Variants in C1orf216 observed in about 807,000 individuals in gnomAD.
C1orf216 encodes the protein chromosome 1 open reading frame 216.
A neutral mutation model predicts 16.4 loss-of-function variants in C1orf216; 18 were observed. The observed-to-expected ratio is 1.10, with a 90% confidence interval of 0.76 to 1.63. The LOEUF (loss-of-function observed/expected upper bound fraction) is 1.63, where lower values mean the gene tolerates loss of function less well. C1orf216 is among the 40% of genes most tolerant of loss of function. The pLI is 0.00. For missense variants in C1orf216, 271 were observed against 297.6 expected, an observed-to-expected ratio of 0.91 and a Z score of 0.66; for synonymous variants, 115 against 116.9, an observed-to-expected ratio of 0.98 and a Z score of 0.11.
chr1:35,716,159 G>C lies in C1orf216; in HGVS notation c.163C>G (p.Pro55Ala), dbSNP rs1315298933. 6.2e-7 allele frequency: 1 copy of C among 1,614,280 alleles called. No homozygotes were observed. Among genetic ancestry groups the C allele is most frequent in the Middle Eastern group, 1.6e-4 (1 of 6,062 alleles). ...NWHGMPGRVEPILRRSSSESP... is the reference protein window; with the variant it reads ...NWHGMPGRVEAILRRSSSESP... ...TCAGAGGAGCTCCTCCTCAGGATAGGTTCCACTCTGCCTGGCATCCCATGC... is the reference window on the plus strand; with the variant it reads ...TCAGAGGAGCTCCTCCTCAGGATAGCTTCCACTCTGCCTGGCATCCCATGC... Residue 55 changes from proline (P) to alanine (A), a missense_variant, in exon 2 of 2, where the codon CCT (proline) becomes GCT (alanine). Around this residue, in one of 3 missense-constraint regions of C1orf216, gnomAD observed 7 missense variants for 23.9 expected, o/e 0.29. Coordinates refer to ENST00000270815, the MANE Select transcript of C1orf216 (RefSeq NM_152374.2).
intron 1 of C1orf216, among the ~76,000 whole-genome samples, chr1:35,717,715 T>G (rs1640975796): frequency 6.6e-6 from 1 of 152,166 alleles, no homozygotes. Context: ...ACTGGCATTT[T>G]TGGTTTGTGG....
rs1160296620 is a variant in C1orf216, at chr1:35,718,756, C to T, written c.-55G>A. 6.6e-6 allele frequency: 1 copy of T among 152,472 alleles called. No homozygotes were observed. Among genetic ancestry groups the T allele is most frequent in the Non-Finnish European group, 1.5e-5 (1 of 68,222 alleles). 9.4% of individuals were successfully genotyped at this position (152,472 alleles called of 1,614,324 possible). On this transcript the variant is annotated 5_prime_UTR_variant, in exon 1 of 2. Transcript: ENST00000270815. ...CGTCTGGCTCTGGCTCCGCCCGGCCCTGGTGGTGTCTAGTCCCTGGGCTGG... is the reference window on the plus strand; with the variant it reads ...CGTCTGGCTCTGGCTCCGCCCGGCCTTGGTGGTGTCTAGTCCCTGGGCTGG...
At chr1:35,716,991 TC>T in intron 1 of C1orf216, 1 of 152,168 alleles carries the variant, frequency 6.6e-6, no homozygotes, top group Non-Finnish European at 1.5e-5. Context: ...AGTGACATCA[TC>T]CCCCTCCACC....
In C1orf216 at chr1:35,715,836, C is replaced by T; in HGVS notation, c.486G>A (p.Glu162=). The change falls in exon 2 of 2, where the codon GAG becomes GAA. Residue 162 remains glutamate, a synonymous_variant. Coordinates refer to ENST00000270815, the MANE Select transcript of C1orf216 (RefSeq NM_152374.2). This position sits in a 1 kb window ranked among gnomAD's most constrained non-coding sequence, Gnocchi z 4.3. The stretch of plus-strand genomic sequence containing the variant: ...GCACGTGGTGCTTTTCCTTCTCCTG[C>T]TCTTTGTAGCGCTCCTGGACTTGTA... ...QHLQVQERYK[E]QEKEKHHVHL... 6.2e-7 allele frequency: 1 copy of T among 1,614,240 alleles called. No individual in the cohort carries two copies. The highest frequency in any genetic ancestry group is 8.5e-7 in the Non-Finnish European group (1 of 1,180,044).
intron 1 of C1orf216, 161 bp from the exon 2 acceptor site, chr1:35,716,487 T>G: frequency 1.6e-6 from 1 of 638,286 alleles, no homozygotes. Context: ...GTGGTTTTCG[T>G]CCTCCCTGTC....
Position 35,715,787 on chromosome 1 carries a change from C to T in C1orf216, c.535G>A (p.Ala179Thr). The change falls in exon 2 of 2, where the codon GCA (alanine) becomes ACA (threonine). Residue 179 changes from alanine to threonine, a missense_variant. Physicochemically the swap from Ala to Thr is moderately conservative, Grantham distance 58. This residue lies in a region of C1orf216 where 220 missense variants were observed against 227.8 expected (regional missense o/e 0.97). Coordinates refer to ENST00000270815, the MANE Select transcript of C1orf216 (RefSeq NM_152374.2). This position sits in a 1 kb window ranked among gnomAD's most constrained non-coding sequence, Gnocchi z 4.3. ...HVHLVMYRRLALLQWIRGLQH... is the reference protein window; with the variant it reads ...HVHLVMYRRLTLLQWIRGLQH... The stretch of plus-strand genomic sequence containing the variant: ...AGGCCCCGGATCCACTGGAGCAGTG[C>T]CAGGCGACGGTACATCACCAAGTGC... 1.9e-6 allele frequency: 3 copies of T among 1,614,202 alleles called. No individual in the cohort carries two copies. Among genetic ancestry groups the T allele is most frequent in the Non-Finnish European group, 2.5e-6 (3 of 1,180,038 alleles).
rs746851685 is a variant in C1orf216, at chr1:35,715,603, T to C, written c.*29A>G. On this transcript the variant is annotated 3_prime_UTR_variant, in exon 2 of 2. Transcript: ENST00000270815. The surrounding 1 kb of genome is among the most constrained non-coding windows in gnomAD (Gnocchi z 4.3). ...ACACATGCCTGCAAATATATACATA[T>C]ACCCTTGCACACTTGTGGAGGCACA... The C allele has an allele frequency of 6.3e-7, 1 of 1,579,192 alleles. No individual in the cohort carries two copies. The highest frequency in any genetic ancestry group is 1.2e-5 in the South Asian group (1 of 85,814).
chr1:35,717,167 C>G (rs1038671062), intron 1 of C1orf216, among the ~76,000 whole-genome samples: 10 of 152,158 alleles, frequency 6.6e-5, no homozygotes, highest in African/African-American at 2.4e-4. Flanking sequence ...CTTCCTCTTC[C>G]AGGCCATTTC....
chr1:35,718,036 A>G (rs1297438504), intron 1 of C1orf216, among the ~76,000 whole-genome samples: 1 of 152,020 alleles, frequency 6.6e-6, no homozygotes, highest in African/African-American at 2.4e-5. Context: ...TTCCCTCCCA[A>G]TGCCTCTGGA....
rs374426230 is a variant in C1orf216 at position 35,715,887 on chromosome 1, G to A, written c.435C>T (p.Pro145=). The change falls in exon 2 of 2, where the codon CCC becomes CCT. Residue 145 remains proline (P), a synonymous_variant. Transcript: ENST00000270815. The surrounding 1 kb of genome is among the most constrained non-coding windows in gnomAD (Gnocchi z 4.3). ...AGTGCTGCACAGCCTGGGCCACTGA[G>A]GGCAGAAGGGGATCGGGAGGGCCAG... ...RGPGPPDPLL[P]SVAQAVQHLQ... The A allele has an allele frequency of 1.5e-5, 24 of 1,614,220 alleles. No homozygotes were observed. In the African/African-American group the frequency reaches 2.5e-4, roughly 17 times the overall value.
At position 35,715,765 on chromosome 1, in the gene C1orf216, C is replaced by T; in HGVS notation, c.557G>A (p.Gly186Asp). ...CTGGTCAATCAACTGATGCTGCAGG[C>T]CCCGGATCCACTGGAGCAGTGCCAG... ...RRLALLQWIR[G>D]LQHQLIDQQA... The change falls in exon 2 of 2, where the codon GGC (glycine) becomes GAC (aspartate). Residue 186 changes from glycine to aspartate, a missense_variant. Around this residue, in one of 3 missense-constraint regions of C1orf216, gnomAD observed 220 missense variants for 227.8 expected, o/e 0.97. Coordinates refer to ENST00000270815, the MANE Select transcript of C1orf216 (RefSeq NM_152374.2). The surrounding 1 kb of genome is among the most constrained non-coding windows in gnomAD (Gnocchi z 4.3). 1 of 1,614,152 alleles carries T rather than the reference C, an allele frequency of 6.2e-7. No individual in the cohort carries two copies. The highest frequency in any genetic ancestry group is 1.3e-5 in the African/African-American group (1 of 75,048).
At position 35,715,870 on chromosome 1, in the gene C1orf216, A is replaced by G; in HGVS notation, c.452T>C (p.Val151Ala). The part of the protein sequence containing the change: ...DPLLPSVAQA[V>A]QHLQVQERYK... ...GCGCTCCTGGACTTGTAAGTGCTGC[A>G]CAGCCTGGGCCACTGAGGGCAGAAG... Residue 151 changes from valine (V) to alanine (A), a missense_variant, in exon 2 of 2, where the codon GTG becomes GCG. Physicochemically the swap from Val to Ala is moderately conservative, Grantham distance 64. Coordinates refer to ENST00000270815, the MANE Select transcript of C1orf216 (RefSeq NM_152374.2). The surrounding 1 kb of genome is among the most constrained non-coding windows in gnomAD (Gnocchi z 4.3). 2 of 1,614,228 alleles carry G rather than the reference A, an allele frequency of 1.2e-6. No homozygotes were observed. The highest frequency in any genetic ancestry group is 1.7e-6 in the Non-Finnish European group (2 of 1,180,038).
chr1:35,717,630 T>G (rs1160204015), intron 1 of C1orf216, among the ~76,000 whole-genome samples: 1 of 152,206 alleles, frequency 6.6e-6, no homozygotes, highest in Non-Finnish European at 1.5e-5. Flanking sequence ...CCCACTGCGC[T>G]GGGTATACAC....
At position 35,715,732 on chromosome 1, in the gene C1orf216, C is replaced by A. The variant is rs780045906; in HGVS notation, c.590G>T (p.Arg197Leu). 1 of 1,614,078 alleles carries A rather than the reference C, an allele frequency of 6.2e-7. No homozygotes were observed. The highest frequency in any genetic ancestry group is 1.1e-5 in the South Asian group (1 of 91,070). Residue 197 changes from arginine (R) to leucine (L), a missense_variant, in exon 2 of 2, where the codon CGA (arginine) becomes CTA (leucine). Physicochemically the swap from Arg to Leu is moderately radical, Grantham distance 102 (BLOSUM62 -2). This residue lies in a region of C1orf216 where 220 missense variants were observed against 227.8 expected (regional missense o/e 0.97). Coordinates refer to ENST00000270815, the MANE Select transcript of C1orf216 (RefSeq NM_152374.2). This position sits in a 1 kb window ranked among gnomAD's most constrained non-coding sequence, Gnocchi z 4.3. ...GATGGTGTCGAAGCTCTCCTGCAGT[C>A]GGGCCTGCTGGTCAATCAACTGATG... ...LQHQLIDQQA[R>L]LQESFDTILD...
intron 1 of C1orf216, 90 bp downstream of exon 1, chr1:35,718,617 A>C (rs1640992556): frequency 6.6e-6 from 1 of 152,208 alleles, no homozygotes; most frequent in Admixed American, 6.5e-5. Context: ...ATCCTTCCCT[A>C]GTCTCCTCGA....
At chr1:35,718,565 TG>T (rs1640991391) in intron 1 of C1orf216, 141 bp downstream of exon 1, 2 of 152,258 alleles carry the variant, frequency 1.3e-5, no homozygotes, top group Non-Finnish European at 2.9e-5. Flanking sequence ...CCTCCTTTTC[TG>T]GCCTTGCGGG....
At position 35,714,654 on chromosome 1, in the gene C1orf216, A is replaced by G. The variant is rs548751576; in HGVS notation, c.*978T>C. 2.0e-5 allele frequency: 3 copies of G among 152,322 alleles called. No individual in the cohort carries two copies. Among genetic ancestry groups the G allele is most frequent in the South Asian group, 4.1e-4 (2 of 4,830 alleles). The allele number at this position is 152,322 out of a possible 1,614,324, so 9.4% of individuals were successfully genotyped here. A position where few individuals can be genotyped will look rare whatever the true frequency, so the allele number is the denominator to read the frequency against. ...TAGAATTCCCATTCTCCTATTCTTC[A>G]CAGGGTTCCACTGTTATCATCTTTC... On this transcript the variant is annotated 3_prime_UTR_variant, in exon 2 of 2. Transcript: ENST00000270815.
intron 1 of C1orf216, among the ~76,000 whole-genome samples, chr1:35,717,137 A>G (rs1166114744): frequency 6.6e-6 from 1 of 152,058 alleles, no homozygotes; most frequent in Non-Finnish European, 1.5e-5. Flanking sequence ...CATCTCATTA[A>G]TAACCACATT....
chr1:35,717,452 C>A (rs1640972675), intron 1 of C1orf216, among the ~76,000 whole-genome samples: 1 of 152,120 alleles, frequency 6.6e-6, no homozygotes, highest in South Asian at 2.1e-4. Context: ...TTCCTCTCCC[C>A]TCCCCTCAAA....
Sources: gnomAD v4.1 joint callset for allele counts (sites outside exome capture counted in the v4.1 genomes callset) on GRCh38, gnomAD v4.1.1 for gene constraint, gnomAD v4.1.1 regional missense constraint, Gnocchi (gnomAD v3.1) non-coding constraint, MANE v1.5 for transcripts, NCBI Gene and HGNC (gene_info 2026-07-23, HGNC 2026-07-21) for gene names.